Variants in MYOM3 observed in about 807,000 individuals in gnomAD.
MYOM3 encodes the protein myomesin 3, also known as myomesin-3.
A neutral mutation model predicts 191.7 loss-of-function variants in MYOM3; 155 were observed. The ratio of observed to expected loss-of-function variants is 0.81; its 90% CI spans 0.71 to 0.92. The LOEUF is 0.92. Ranked by LOEUF, MYOM3 falls within the 40% of genes least tolerant of loss-of-function variation. MYOM3 has a pLI of 0.00. For missense variants in MYOM3, 1,889 were observed against 1,890.6 expected, an observed-to-expected ratio of 1.00 and a Z score of 0.02; for synonymous variants, 757 against 762.9, an observed-to-expected ratio of 0.99 and a Z score of 0.13.
At chr1:24,070,748 T>G (rs938347483) in intron 25 of MYOM3, among the ~76,000 whole-genome samples, 20 of 152,226 alleles carry the variant, frequency 1.3e-4, no homozygotes, top group Non-Finnish European at 2.6e-4. Flanking sequence ...AAAAATAGTT[T>G]GTATTTATAC....
rs781461834 is a variant in MYOM3, at chr1:24,099,790, C to T, written c.561-15G>A. On this transcript the variant is annotated splice_polypyrimidine_tract_variant and intron_variant, in intron 5 of 36. Coordinates refer to ENST00000374434, the MANE Select transcript of MYOM3 (RefSeq NM_152372.4). ...CATTTTTGTACCTGTGGGGACATAG[C>T]GGTCTGTGGCAGGCAGGGTGGTTCT... 9 of 1,603,188 alleles carry T rather than the reference C, an allele frequency of 5.6e-6. No homozygotes were observed. The Admixed American group carries it at 8.3e-5, about 15-fold the overall frequency.
intron 14 of MYOM3, 83 bp downstream of exon 14, chr1:24,089,455 C>A: frequency 1.4e-6 from 2 of 1,456,356 alleles, no homozygotes; most frequent in Non-Finnish European, 9.1e-7. Context: ...TCTCTGACGG[C>A]CTCCCCAGGG....
Position 24,061,976 on chromosome 1 carries a change from G to A in MYOM3, c.3904C>T (p.Arg1302Trp), listed in dbSNP as rs752339341. Reference sequence around the variant, plus strand: ...CCTGAGAGATCTGTTGAGAGCTGCCGGACTTCCTTCCCTGCAGCTATTTCC... The same window carrying A: ...CCTGAGAGATCTGTTGAGAGCTGCCAGACTTCCTTCCCTGCAGCTATTTCC... ...TLEIAAGKEV[R>W]QLSTDLSGQA... The change falls in exon 33 of 37, where the codon CGG (arginine) becomes TGG (tryptophan). Residue 1302 changes from arginine (R) to tryptophan (W), a missense_variant. By Grantham distance (101) the Arg-to-Trp change is moderately radical. Coordinates refer to ENST00000374434, the MANE Select transcript of MYOM3 (RefSeq NM_152372.4). 7.1e-5 allele frequency: 115 copies of A among 1,614,166 alleles called. No homozygotes were observed. The highest frequency in any genetic ancestry group is 9.2e-5 in the Non-Finnish European group (109 of 1,180,018).
chr1:24,091,645 C>T (rs1643833236), intron 11 of MYOM3, among the ~76,000 whole-genome samples: 1 of 152,206 alleles, frequency 6.6e-6, no homozygotes, highest in South Asian at 2.1e-4. Flanking sequence ...GTCCCCCTCC[C>T]CTTTAGAGAC....
intron 1 of MYOM3, among the ~76,000 whole-genome samples, chr1:24,109,398 T>G (rs1401754644): frequency 3.3e-5 from 5 of 152,100 alleles, no homozygotes; most frequent in South Asian, 2.1e-4. Context: ...AAGTACAACA[T>G]AAGTATTAGG....
At position 24,100,760 on chromosome 1, in the gene MYOM3, G is replaced by A. The variant is rs147012098; in HGVS notation, c.561-985C>T. On this transcript the variant is annotated intron_variant, in intron 5 of 36. Transcript: ENST00000374434. The stretch of plus-strand genomic sequence containing the variant: ...ACATTAGTCGGGCGTGGTGGCGGGC[G>A]CCTGTAGTCCCAGCTACTCGGGAGG... 2.7e-3 allele frequency among the ~76,000 whole-genome samples: 417 copies of A among 152,122 alleles called. 5 individuals are homozygous for A. The East Asian group carries it at 0.047, about 17-fold the overall frequency.
rs1206233421 is a variant in MYOM3 at position 24,111,475 on chromosome 1, G to A, written c.-19+556C>T. On this transcript the variant is annotated intron_variant, in intron 1 of 36. Transcript: ENST00000374434. This position sits in a 1 kb window ranked among gnomAD's most constrained non-coding sequence, Gnocchi z 4.7. ...AGCCAGTGGCTCCACCAGCTTCCGC[G>A]AGGCCGAATCCTGCCCTTGCCAGTC... is the stretch of plus-strand genomic sequence containing the variant. Among the ~76,000 whole-genome samples, 2 of 152,208 alleles carry A rather than the reference G, an allele frequency of 1.3e-5. No homozygotes were observed. The highest frequency in any genetic ancestry group is 2.9e-5 in the Non-Finnish European group (2 of 68,038).
chr1:24,078,183 C>T (rs547091166), intron 20 of MYOM3, among the ~76,000 whole-genome samples: 8 of 150,848 alleles, frequency 5.3e-5, no homozygotes, highest in South Asian at 2.1e-4. Flanking sequence ...GGTGCGATCT[C>T]GGCTCACTGC....
In MYOM3 at chr1:24,061,084, T is replaced by C. The variant is rs190545827; in HGVS notation, c.3972-2A>G. ...CTCTTCTCGATGATGGCCAAGGTTC[T>C]GAAAAACAGAAATGGGAACAAGGTG... On this transcript the variant is annotated splice_acceptor_variant, in intron 34 of 36. Transcript: ENST00000374434. LOFTEE classifies it high-confidence loss of function. The C allele has an allele frequency of 4.1e-5, 66 of 1,614,114 alleles. No individual in the cohort carries two copies. The highest frequency in any genetic ancestry group is 8.3e-5 in the Admixed American group (5 of 60,012).
At position 24,063,941 on chromosome 1, in the gene MYOM3, G is replaced by A. The variant is rs759023801; in HGVS notation, c.3622+131C>T. 15 of 741,126 alleles carry A rather than the reference G, an allele frequency of 2.0e-5. No homozygotes were observed. Among genetic ancestry groups the A allele is most frequent in the Non-Finnish European group, 3.4e-5 (15 of 445,328 alleles). 45.9% of individuals were successfully genotyped at this position (741,126 alleles called of 1,614,324 possible). On this transcript the variant is annotated intron_variant, in intron 30 of 36. Transcript: ENST00000374434. The surrounding 1 kb of genome is among the most constrained non-coding windows in gnomAD (Gnocchi z 4.5). ...TGACTAGATGTGGAATCTTGGGCAAGTTACTTAATCTCTTTGTGCCTCAAT... is the reference window on the plus strand; with the variant it reads ...TGACTAGATGTGGAATCTTGGGCAAATTACTTAATCTCTTTGTGCCTCAAT...
intron 29 of MYOM3, 96 bp from the exon 30 acceptor site, chr1:24,064,255 ACT>A (rs1643408858): frequency 2.3e-6 from 2 of 883,252 alleles, no homozygotes; most frequent in African/African-American, 3.4e-5. Flanking sequence ...CCTGCCCCTC[ACT>A]CTCTGTGTGA....
intron 25 of MYOM3, 61 bp downstream of exon 25, chr1:24,071,056 C>G: frequency 6.3e-7 from 1 of 1,580,382 alleles, no homozygotes; most frequent in African/African-American, 1.3e-5. Flanking sequence ...GAATCACCAT[C>G]CCGCGAGGCC....
intron 7 of MYOM3, among the ~76,000 whole-genome samples, chr1:24,097,239 C>T (rs559699761): frequency 6.6e-6 from 1 of 152,276 alleles, no homozygotes; most frequent in South Asian, 2.1e-4. Flanking sequence ...TGGGGCCAGA[C>T]CACCCTCCCA....
chr1:24,061,170 A>C, intron 34 of MYOM3, 88 bp from the exon 35 acceptor site: 1 of 1,606,972 alleles, frequency 6.2e-7, no homozygotes, highest in Non-Finnish European at 8.5e-7. Flanking sequence ...GATGAAGGAA[A>C]GGTGGAGCTG....
intron 23 of MYOM3, 42 bp from the exon 24 acceptor site, chr1:24,072,055 A>C (rs1643538124): frequency 6.3e-7 from 1 of 1,599,768 alleles, no homozygotes; most frequent in Non-Finnish European, 8.6e-7. Flanking sequence ...AGAGAATGAA[A>C]TATCCTGGTC....
intron 36 of MYOM3, among the ~76,000 whole-genome samples, chr1:24,058,241 A>G (rs992132463): frequency 4.6e-5 from 7 of 152,212 alleles, no homozygotes; most frequent in African/African-American, 1.4e-4. Flanking sequence ...CGATTTTACA[A>G]TGCAAGTAAG....
intron 20 of MYOM3, among the ~76,000 whole-genome samples, chr1:24,077,996 G>A (rs915257513): frequency 1.3e-5 from 2 of 152,182 alleles, no homozygotes; most frequent in Non-Finnish European, 2.9e-5. Context: ...TTATAAAAGA[G>A]ATACACACTT....
chr1:24,074,498 T>C (rs983328205), intron 22 of MYOM3, among the ~76,000 whole-genome samples: 1 of 152,212 alleles, frequency 6.6e-6, no homozygotes, highest in Non-Finnish European at 1.5e-5. Context: ...GGGTCTGCAC[T>C]GGCCACACCA....
intron 16 of MYOM3, chr1:24,083,699 G>C (rs1183909431): frequency 6.6e-6 from 1 of 152,280 alleles, no homozygotes; most frequent in Admixed American, 6.5e-5. Context: ...CCTCTCTCTG[G>C]GTTTAAGCTC....
Sources: allele counts gnomAD v4.1 joint callset (sites outside exome capture counted in the v4.1 genomes callset), GRCh38; gene constraint gnomAD v4.1.1; non-coding constraint Gnocchi (gnomAD v3.1); transcripts MANE v1.5; gene names NCBI Gene and HGNC (gene_info 2026-07-23, HGNC 2026-07-21).